Variants in HEBP1 observed in about 807,000 individuals in gnomAD.
HEBP1 encodes heme-binding protein 1.
Under a neutral mutation model 20.4 loss-of-function variants are expected in HEBP1, and 13 were observed. The ratio of observed to expected loss-of-function variants is 0.64; its 90% CI spans 0.42 to 1.01. The LOEUF (loss-of-function observed/expected upper bound fraction) is 1.01, where lower values mean the gene tolerates loss of function less well. Among genes scored for constraint, HEBP1 ranks in the 50% least tolerant of loss-of-function variants. HEBP1 has a pLI of 0.00. For synonymous variants in HEBP1, 92 were observed against 90.7 expected (o/e 1.01, Z -0.08); for missense variants, 241 against 247.3 (o/e 0.97, Z 0.17).
intron 1 of HEBP1, among the ~76,000 whole-genome samples, chr12:12,992,978 G>A (rs1864242844): frequency 6.6e-6 from 1 of 152,184 alleles, no homozygotes; most frequent in Admixed American, 6.5e-5. Flanking sequence ...AAAAATTCCA[G>A]TTCCCAAACT....
intron 1 of HEBP1, among the ~76,000 whole-genome samples, chr12:12,999,450 C>G (rs7133403): frequency 1 from 152,346 of 152,374 alleles, 76,159 homozygotes; most frequent in Non-Finnish European, 1. Flanking sequence ...CTAAGGGCGG[C>G]TACTAGAGAT....
Position 12,989,359 on chromosome 12 carries a change from T to C in HEBP1, c.135A>G (p.Glu45=). Residue 45 remains glutamate, a synonymous_variant, in exon 2 of 4, where the codon GAA becomes GAG. Coordinates refer to ENST00000014930, the MANE Select transcript of HEBP1 (RefSeq NM_015987.5). The part of the protein sequence containing the change: ...ACEGGKFATV[E]VTDKPVDEAL... ...CCTCATCCACAGGCTTATCTGTCAC[T>C]TCTACTGTGGCAAATTTGCCGCCTT... 1 of 1,614,234 alleles carries C rather than the reference T, an allele frequency of 6.2e-7. No homozygotes were observed. Among genetic ancestry groups the C allele is most frequent in the South Asian group, 1.1e-5 (1 of 91,088 alleles).
intron 3 of HEBP1, among the ~76,000 whole-genome samples, chr12:12,978,203 T>C (rs1311776651): frequency 9.3e-6 from 1 of 107,770 alleles, no homozygotes; most frequent in Non-Finnish European, 1.9e-5. Context: ...GAAAGGGTTT[T>C]TTTTTTTTTT....
At chr12:12,999,986 G>C (rs745656242) in intron 1 of HEBP1, 51 bp downstream of exon 1, 1 of 1,282,192 alleles carries the variant, frequency 7.8e-7, no homozygotes, top group East Asian at 2.4e-5. Flanking sequence ...CGACGAGGGT[G>C]GGGGTGGGAG....
At chr12:12,979,618 T>C (rs2136538284) in intron 3 of HEBP1, 1 of 152,238 alleles carries the variant, frequency 6.6e-6, no homozygotes, top group South Asian at 2.1e-4. Flanking sequence ...TGCGCGCACT[T>C]GAAGGTGAGT....
In HEBP1 at chr12:12,995,401, A is replaced by G. The variant is rs117895623; in HGVS notation, c.78+4636T>C. 3.2e-3 allele frequency among the ~76,000 whole-genome samples: 481 copies of G among 152,290 alleles called. 2 individuals carry two copies. The highest frequency in any genetic ancestry group is 0.016 in the South Asian group (75 of 4,824). On this transcript the variant is annotated intron_variant, in intron 1 of 3. Transcript: ENST00000014930. ...CCTTGCATATTGTAGGCACTCTACA[A>G]ATATTTGTGAGAAAGGAGATATGCA... is the stretch of plus-strand genomic sequence containing the variant.
intron 2 of HEBP1, among the ~76,000 whole-genome samples, chr12:12,987,988 A>G (rs1373450729): frequency 1.3e-5 from 2 of 152,166 alleles, no homozygotes; most frequent in African/African-American, 2.4e-5. Flanking sequence ...GGAAAAGGCT[A>G]TAGGTAGTAA....
intron 1 of HEBP1, among the ~76,000 whole-genome samples, chr12:12,995,079 G>T (rs977787041): frequency 6.6e-6 from 1 of 152,020 alleles, no homozygotes; most frequent in Non-Finnish European, 1.5e-5. Context: ...TCATTTCCAC[G>T]CCAGGGCCTC....
chr12:12,987,590 T>TTCTCTCTCTC (rs145821079), intron 2 of HEBP1, among the ~76,000 whole-genome samples: 118 of 133,298 alleles, frequency 8.9e-4, no homozygotes, highest in Non-Finnish European at 1.3e-3. Context: ...ATCAGTCTCT[T>TTCTCTCTCTC]TCTCTCTCTC....
intron 3 of HEBP1, chr12:12,984,020 G>A (rs151085057): frequency 0.012 from 3,025 of 252,494 alleles, 34 homozygotes; most frequent in Middle Eastern, 0.033. Flanking sequence ...AATAATATCT[G>A]TAACAAACTG....
chr12:12,975,481 TG>T lies in HEBP1; in HGVS notation c.399-3del, dbSNP rs781498127. ...TCCTTGGCATAACCACCAAACTGCC[TG>T]GGGGTTCAAGAGCAAGGGCTGGTTA... On this transcript the variant is annotated splice_polypyrimidine_tract_variant and splice_region_variant and intron_variant, in intron 3 of 3. Coordinates refer to ENST00000014930, the MANE Select transcript of HEBP1 (RefSeq NM_015987.5). 1.2e-6 allele frequency: 2 copies of T among 1,602,928 alleles called. No homozygotes were observed. The highest frequency in any genetic ancestry group is 1.7e-5 in the Admixed American group (1 of 57,168).
Position 12,975,034 on chromosome 12 carries a change from A to C in HEBP1, c.*274T>G, listed in dbSNP as rs1196079855. 3.4e-6 allele frequency: 1 copy of C among 295,826 alleles called. No homozygotes were observed. The highest frequency in any genetic ancestry group is 6.3e-6 in the Non-Finnish European group (1 of 159,922). The allele number at this position is 295,826 out of a possible 1,614,324, so 18.3% of individuals were successfully genotyped here. On this transcript the variant is annotated 3_prime_UTR_variant, in exon 4 of 4. Coordinates refer to ENST00000014930, the MANE Select transcript of HEBP1 (RefSeq NM_015987.5). ...AGTTTTTAGTGACCCAGATGCCTGG[A>C]GAAAAGCTGCCAGGATTTTTCTGGT...
intron 3 of HEBP1, chr12:12,980,490 T>C (rs1332200616): frequency 3.3e-5 from 5 of 152,276 alleles, no homozygotes. Context: ...ATTAAGCATT[T>C]ATTGAGCATC....
At chr12:12,984,546 A>G (rs1399024467) in intron 3 of HEBP1, 4 of 152,246 alleles carry the variant, frequency 2.6e-5, no homozygotes, top group African/African-American at 9.6e-5. Flanking sequence ...TCCAGTACAG[A>G]TAATAAGAAG....
At chr12:12,997,628 C>G (rs1864307566) in intron 1 of HEBP1, among the ~76,000 whole-genome samples, 1 of 152,190 alleles carries the variant, frequency 6.6e-6, no homozygotes, top group Non-Finnish European at 1.5e-5. Context: ...TGGGCGCCGG[C>G]TGACATCTGG....
chr12:12,990,978 C>A (rs1263976797), intron 1 of HEBP1, among the ~76,000 whole-genome samples: 1 of 152,146 alleles, frequency 6.6e-6, no homozygotes, highest in Non-Finnish European at 1.5e-5. Flanking sequence ...CCATCTCCAA[C>A]CTGACCAATC....
At position 12,995,050 on chromosome 12, in the gene HEBP1, G is replaced by C. The variant is rs866491523; in HGVS notation, c.78+4987C>G. ...AGCACCTGCTCTGCAGCTTTCTGCT[G>C]TTTCCTTTGATGCCATGGTCATTTC... On this transcript the variant is annotated intron_variant, in intron 1 of 3. Coordinates refer to ENST00000014930, the MANE Select transcript of HEBP1 (RefSeq NM_015987.5). Among the ~76,000 whole-genome samples, 30 of 152,314 alleles carry C rather than the reference G, an allele frequency of 2.0e-4. No homozygotes were observed. The Middle Eastern group carries it at 0.014, about 69-fold the overall frequency.
intron 1 of HEBP1, among the ~76,000 whole-genome samples, chr12:12,997,091 T>C (rs562188289): frequency 2.0e-5 from 3 of 152,338 alleles, no homozygotes; most frequent in Non-Finnish European, 4.4e-5. Flanking sequence ...AAAGATATTT[T>C]TATACTCATT....
chr12:12,994,745 T>TA (rs1864271164), intron 1 of HEBP1, among the ~76,000 whole-genome samples: 1 of 152,160 alleles, frequency 6.6e-6, no homozygotes, highest in South Asian at 2.1e-4. Flanking sequence ...CTCCTCCTGA[T>TA]ACAGATGAGC....
Sources: allele counts gnomAD v4.1 joint callset (sites outside exome capture counted in the v4.1 genomes callset), GRCh38; gene constraint gnomAD v4.1.1; transcripts MANE v1.5; gene names NCBI Gene and HGNC (gene_info 2026-07-23, HGNC 2026-07-21).